SORCS3: variants seen among roughly 807,000 people sequenced by gnomAD.
The protein encoded by SORCS3 is sortilin related VPS10 domain containing receptor 3.
Under a neutral mutation model 146.3 loss-of-function variants are expected in SORCS3, and 57 were observed. That is an observed-to-expected ratio of 0.39 (90% CI 0.31 to 0.49). The LOEUF (loss-of-function observed/expected upper bound fraction) is 0.49, where lower values mean the gene tolerates loss of function less well. SORCS3 is among the 20% of genes least tolerant of loss of function. The probability of loss-of-function intolerance (pLI) is 0.92; values close to 1 mark genes in which losing one functional copy is unlikely to be tolerated. For synonymous variants in SORCS3, 653 were observed against 618.5 expected (o/e 1.06, Z -0.83); for missense variants, 1,341 against 1,575.5 (o/e 0.85, Z 2.52).
intron 4 of SORCS3, among the ~76,000 whole-genome samples, chr10:105,037,981 T>A (rs2133700766): frequency 6.6e-6 from 1 of 152,330 alleles, no homozygotes; most frequent in Non-Finnish European, 1.5e-5. Context: ...AATAACGGAA[T>A]CAATAAGGAA....
intron 1 of SORCS3, among the ~76,000 whole-genome samples, chr10:104,695,319 T>C (rs2016161330): frequency 6.6e-6 from 1 of 151,728 alleles, no homozygotes; most frequent in Non-Finnish European, 1.5e-5. Flanking sequence ...TCCCTAAGGA[T>C]GTATTGGTGG....
intron 6 of SORCS3, among the ~76,000 whole-genome samples, chr10:105,096,007 G>T (rs1220953369): frequency 6.6e-6 from 1 of 151,884 alleles, no homozygotes. Flanking sequence ...TCTTATGTTT[G>T]TTCATTGGTT....
chr10:104,964,771 G>T (rs2054817012), intron 3 of SORCS3, among the ~76,000 whole-genome samples: 1 of 152,064 alleles, frequency 6.6e-6, no homozygotes, highest in African/African-American at 2.4e-5. Flanking sequence ...TAAGTGTACA[G>T]TTTAGTAGTG....
At chr10:105,161,705 A>C (rs2056264738) in intron 11 of SORCS3, among the ~76,000 whole-genome samples, 1 of 152,130 alleles carries the variant, frequency 6.6e-6, no homozygotes, top group Admixed American at 6.5e-5. Context: ...ACAGCATCCA[A>C]AGCTTGCTTT....
chr10:105,123,031 T>A (rs1275109919), intron 7 of SORCS3, among the ~76,000 whole-genome samples: 1 of 152,238 alleles, frequency 6.6e-6, no homozygotes, highest in Non-Finnish European at 1.5e-5. Context: ...AAAGATTACA[T>A]TAAAGAAGGG....
chr10:104,716,810 T>G (rs1056791136), intron 1 of SORCS3, among the ~76,000 whole-genome samples: 3 of 152,250 alleles, frequency 2.0e-5, no homozygotes, highest in African/African-American at 7.2e-5. Context: ...TGGAGACAGA[T>G]CTCCCTCCAT....
chr10:104,802,900 T>C (rs74155040), intron 1 of SORCS3, among the ~76,000 whole-genome samples: 1 of 152,304 alleles, frequency 6.6e-6, no homozygotes, highest in African/African-American at 2.4e-5. Context: ...AAACCCAGAA[T>C]GCTGAAGCTT....
chr10:104,959,612 G>A (rs1401092248), intron 3 of SORCS3, among the ~76,000 whole-genome samples: 5 of 152,082 alleles, frequency 3.3e-5, no homozygotes, highest in African/African-American at 9.7e-5. Context: ...CTAAAACAGG[G>A]GTAACAATAC....
chr10:104,683,912 TGAGTTATAACCATCTCA>T (rs2016011630), intron 1 of SORCS3, among the ~76,000 whole-genome samples: 1 of 152,178 alleles, frequency 6.6e-6, no homozygotes, highest in African/African-American at 2.4e-5. Context: ...GCCCTCTCAT[TGAGTTATAACCATCTCA>T]GAGGAGAGCC....
chr10:105,179,133 C>A (rs2056426869), intron 14 of SORCS3, among the ~76,000 whole-genome samples: 1 of 152,140 alleles, frequency 6.6e-6, no homozygotes, highest in Non-Finnish European at 1.5e-5. Flanking sequence ...CAGTTTTGAT[C>A]AAATCTTATA....
chr10:104,861,162 A>G (rs1382344648), intron 2 of SORCS3, among the ~76,000 whole-genome samples: 1 of 152,118 alleles, frequency 6.6e-6, no homozygotes, highest in Non-Finnish European at 1.5e-5. Context: ...CTACTGAGGG[A>G]CTTGTCAAAC....
rs771029154 is a variant in SORCS3, at chr10:104,671,325, C to CTTTTTTTTTTTTTT, written c.627+29385_627+29398dup. On this transcript the variant is annotated intron_variant, in intron 1 of 26. Transcript: ENST00000369701. ...ATGTTAAGGTAGTTTCATTCTTTTC[C>CTTTTTTTTTTTTTT]TTTTTTTTTTTTTTTTTTTTTTTTT... 7.6e-3 allele frequency among the ~76,000 whole-genome samples: 145 copies of CTTTTTTTTTTTTTT among 19,202 alleles called. 59 individuals carry two copies. The highest frequency in any genetic ancestry group is 0.011 in the East Asian group (5 of 446). 12.6% of individuals were successfully genotyped at this position (19,202 alleles called of 152,430 possible). A position where few individuals can be genotyped will look rare whatever the true frequency, so the allele number is the denominator to read the frequency against.
chr10:104,965,446 A>T (rs2054821219), intron 3 of SORCS3, among the ~76,000 whole-genome samples: 1 of 152,210 alleles, frequency 6.6e-6, no homozygotes, highest in African/African-American at 2.4e-5. Context: ...GACGTGGAAT[A>T]GCTGGATCAT....
At chr10:104,934,824 A>G (rs185281674) in intron 3 of SORCS3, among the ~76,000 whole-genome samples, 8 of 152,198 alleles carry the variant, frequency 5.3e-5, no homozygotes, top group Non-Finnish European at 7.3e-5. Flanking sequence ...GTCAAAATTG[A>G]CTTAATACTA....
intron 4 of SORCS3, among the ~76,000 whole-genome samples, chr10:104,989,701 C>A (rs2054982693): frequency 6.6e-6 from 1 of 152,124 alleles, no homozygotes; most frequent in Non-Finnish European, 1.5e-5. Flanking sequence ...GGAAATGCTG[C>A]AGATGGGGAC....
intron 11 of SORCS3, among the ~76,000 whole-genome samples, chr10:105,161,829 A>G (rs564099112): frequency 1.2e-4 from 19 of 152,144 alleles, no homozygotes; most frequent in African/African-American, 3.6e-4. Flanking sequence ...GTCCCAGCCC[A>G]CAATCTCTCT....
At chr10:105,071,649 G>T (rs1279009447) in intron 5 of SORCS3, among the ~76,000 whole-genome samples, 2 of 152,156 alleles carry the variant, frequency 1.3e-5, no homozygotes, top group Non-Finnish European at 2.9e-5. Flanking sequence ...ATCCCGTCAA[G>T]CATTTATCCT....
chr10:104,913,140 C>T (rs1484072807), intron 2 of SORCS3, among the ~76,000 whole-genome samples: 2 of 152,108 alleles, frequency 1.3e-5, no homozygotes, highest in Non-Finnish European at 2.9e-5. Context: ...GAAGATTCAG[C>T]TTGACTGTGT....
At chr10:105,188,698 T>TA (rs1249864415) in intron 14 of SORCS3, among the ~76,000 whole-genome samples, 3 of 152,234 alleles carry the variant, frequency 2.0e-5, no homozygotes, top group African/African-American at 7.2e-5. Context: ...TTGTGTATTT[T>TA]AAAAATTAAT....
Sources: gnomAD v4.1 joint callset for allele counts (sites outside exome capture counted in the v4.1 genomes callset) on GRCh38, gnomAD v4.1.1 for gene constraint, MANE v1.5 for transcripts, NCBI Gene and HGNC (gene_info 2026-07-23, HGNC 2026-07-21) for gene names.